The following PUDP variants were observed in gnomAD, a reference collection of about 807,000 sequenced individuals.
The protein encoded by PUDP is pseudouridine-5'-phosphatase.
Under a neutral mutation model 9.4 loss-of-function variants are expected in PUDP, and 8 were observed. The observed-to-expected ratio is 0.85, with a 90% CI of 0.50 to 1.53. The LOEUF (loss-of-function observed/expected upper bound fraction) is 1.53, where lower values mean the gene tolerates loss of function less well. Among genes scored for constraint, PUDP ranks in the 40% most tolerant of loss-of-function variants. The probability of loss-of-function intolerance (pLI) is 0.00; values close to 1 mark genes in which losing one functional copy is unlikely to be tolerated. For synonymous variants in PUDP, 99 were observed against 80.7 expected, an observed-to-expected ratio of 1.23 and a Z score of -1.22; for missense variants, 188 against 189.7, an observed-to-expected ratio of 0.99 and a Z score of 0.05.
At chrX:6,972,317 C>A (rs1185254926) in intron 3 of PUDP, among the ~76,000 whole-genome samples, 3 of 111,753 alleles carry the variant, frequency 2.7e-5, no homozygotes, top group Non-Finnish European at 3.8e-5. Context: ...CAGCTTTTGC[C>A]CATTCAGTAT....
intron 3 of PUDP, among the ~76,000 whole-genome samples, chrX:6,873,634 C>T (rs754332521): frequency 9.0e-6 from 1 of 111,624 alleles, no homozygotes; most frequent in Non-Finnish European, 1.9e-5. Context: ...ATGCTAGCTA[C>T]AAAAACCTCA....
intron 3 of PUDP, among the ~76,000 whole-genome samples, chrX:6,888,299 G>A (rs1927460009): frequency 9.1e-6 from 1 of 110,070 alleles, no homozygotes; most frequent in Non-Finnish European, 1.9e-5. Flanking sequence ...TCATTTAAGT[G>A]GCCCCAGAAA....
chrX:7,094,356 T>TTTA (rs1419463715), intron 2 of PUDP, among the ~76,000 whole-genome samples: 5 of 21,247 alleles, frequency 2.4e-4, no homozygotes, highest in African/African-American at 1.4e-3. Context: ...TAAGCTGATT[T>TTTA]TTTTTTTTTT....
At chrX:6,727,390 A>T (rs982746779) in intron 3 of PUDP, among the ~76,000 whole-genome samples, 2 of 112,198 alleles carry the variant, frequency 1.8e-5, no homozygotes, top group Non-Finnish European at 3.8e-5. Context: ...TTAAAATATA[A>T]ATTTATAAAT....
intron 3 of PUDP, among the ~76,000 whole-genome samples, chrX:6,753,836 T>G (rs1453870261): frequency 8.9e-6 from 1 of 111,922 alleles, no homozygotes; most frequent in Non-Finnish European, 1.9e-5. Flanking sequence ...TTTTTTTCCT[T>G]GTTGATTTGT....
At chrX:6,949,751 G>C (rs1928521127) in intron 3 of PUDP, among the ~76,000 whole-genome samples, 1 of 112,010 alleles carries the variant, frequency 8.9e-6, no homozygotes, top group Non-Finnish European at 1.9e-5. Flanking sequence ...CATGTATTAT[G>C]GTTTCTCTGG....
chrX:7,118,442 G>A (rs1252759870), intron 1 of PUDP, among the ~76,000 whole-genome samples: 11 of 112,182 alleles, frequency 9.8e-5, no homozygotes, highest in African/African-American at 3.6e-4. Context: ...TAAACTAGGA[G>A]AAAACCCAAA....
intron 3 of PUDP, among the ~76,000 whole-genome samples, chrX:6,906,023 C>A: frequency 8.9e-6 from 1 of 111,991 alleles, no homozygotes; most frequent in East Asian, 2.8e-4. Context: ...TTGACGCATT[C>A]TATGCCTAAA....
intron 3 of PUDP, among the ~76,000 whole-genome samples, chrX:7,065,270 G>C (rs1930518181): frequency 8.9e-6 from 1 of 112,288 alleles, no homozygotes; most frequent in Non-Finnish European, 1.9e-5. Flanking sequence ...CTACCTGCTG[G>C]GTAATCAGAT....
At position 6,976,787 on chromosome X, in the gene PUDP, T is replaced by A. The variant is rs774688868; in HGVS notation, c.*247+346A>T. The stretch of plus-strand genomic sequence containing the variant: ...TCAAGGGGCATCTGACCTCTGGTCA[T>A]TTGGAGACTTCAACCCCCTATTACT... On this transcript the variant is annotated intron_variant and NMD_transcript_variant, in intron 3 of 3. Coordinates refer to the PUDP transcript ENST00000655425. Among the ~76,000 whole-genome samples the A allele has an allele frequency of 3.6e-5, 4 of 112,004 alleles. No homozygotes were observed. In the South Asian group the frequency reaches 1.5e-3, roughly 42 times the overall value.
chrX:6,829,634 T>C (rs1217527874), intron 3 of PUDP, among the ~76,000 whole-genome samples: 2 of 111,989 alleles, frequency 1.8e-5, no homozygotes, highest in Admixed American at 9.5e-5. Context: ...CAACCTGTTA[T>C]ATAGAGTCTC....
rs759583676 is a variant in PUDP, at chrX:7,052,332, T to G, written c.511-1860A>C. ...GATTACAGGTGTGTGCCACCACACC[T>G]GGCCCCCTTTGCCTTTCATTATGAA... is the stretch of plus-strand genomic sequence containing the variant. On this transcript the variant is annotated intron_variant, in intron 3 of 3. Coordinates refer to ENST00000381077, the MANE Select transcript of PUDP (RefSeq NM_012080.5). Among the ~76,000 whole-genome samples, 17 of 111,725 alleles carry G rather than the reference T, an allele frequency of 1.5e-4. No homozygotes were observed. In the South Asian group the frequency reaches 6.1e-3, roughly 40 times the overall value.
chrX:6,981,116 C>A (rs1301781974), intron 1 of PUDP, among the ~76,000 whole-genome samples: 1 of 111,966 alleles, frequency 8.9e-6, no homozygotes, highest in Admixed American at 9.5e-5. Context: ...GCTTCAGCAT[C>A]AACTAAATTC....
rs1215819009 is a variant in PUDP at position 7,113,199 on chromosome X, C to T, written c.62-7361G>A. 6 of 112,688 alleles carry T rather than the reference C, an allele frequency of 5.3e-5. No homozygotes were observed. In the Admixed American group the frequency reaches 5.6e-4, roughly 11 times the overall value. 9.3% of individuals were successfully genotyped at this position (112,688 alleles called of 1,213,427 possible). A position where few individuals can be genotyped will look rare whatever the true frequency, so the allele number is the denominator to read the frequency against. On this transcript the variant is annotated intron_variant, in intron 1 of 3. Transcript: ENST00000381077. ...CTGGGGAAATGGTACAGGGGCAGAA[C>T]TGCCTGTAGGTACAGGTCCACCAGC...
Position 7,013,777 on chromosome X carries a change from G to T in PUDP, c.205-35434C>A, listed in dbSNP as rs765614250. ...CCAGCCCCGCAGTAGTGTCTGGGGA[G>T]GGGGGGTGCCTGCAGCCTAAGGTTT... On this transcript the variant is annotated intron_variant and NMD_transcript_variant, in intron 1 of 3. Coordinates refer to the PUDP transcript ENST00000655425. 1.6e-4 allele frequency among the ~76,000 whole-genome samples: 18 copies of T among 111,803 alleles called. No individual in the cohort carries two copies. The South Asian group carries it at 6.5e-3, about 40-fold the overall frequency.
chrX:7,135,052 A>T (rs1932708546), intron 1 of PUDP, among the ~76,000 whole-genome samples: 1 of 112,090 alleles, frequency 8.9e-6, no homozygotes, highest in Non-Finnish European at 1.9e-5. Context: ...TGGGTCCAAG[A>T]GAACATACAT....
chrX:7,064,251 G>A (rs1462590620), intron 3 of PUDP, among the ~76,000 whole-genome samples: 1 of 111,537 alleles, frequency 9.0e-6, no homozygotes, highest in African/African-American at 3.3e-5. Context: ...CAAGTACAAA[G>A]ATTAAAACCA....
intron 1 of PUDP, among the ~76,000 whole-genome samples, chrX:7,129,779 A>C (rs1291686856): frequency 2.7e-5 from 3 of 111,962 alleles, no homozygotes; most frequent in Non-Finnish European, 5.6e-5. Context: ...GGGCAAGAGA[A>C]CTTTAATGAA....
chrX:6,854,147 C>A (rs952323524), intron 3 of PUDP, among the ~76,000 whole-genome samples: 1 of 111,524 alleles, frequency 9.0e-6, no homozygotes, highest in Admixed American at 9.6e-5. Flanking sequence ...AATATTCCAT[C>A]TCCTTTAGTT....
Sources: allele counts gnomAD v4.1 joint callset (sites outside exome capture counted in the v4.1 genomes callset), GRCh38; gene constraint gnomAD v4.1.1; transcripts MANE v1.5; gene names NCBI Gene and HGNC (gene_info 2026-07-23, HGNC 2026-07-21).